Variants in OGG1 observed in about 807,000 individuals in gnomAD.
OGG1 encodes N-glycosylase/DNA lyase.
A neutral mutation model predicts 42.3 loss-of-function variants in OGG1; 35 were observed. The observed-to-expected ratio is 0.83, with a 90% CI of 0.63 to 1.10. The LOEUF (loss-of-function observed/expected upper bound fraction) is 1.10, where lower values mean the gene tolerates loss of function less well. Among genes scored for constraint, OGG1 ranks in the 50% least tolerant of loss-of-function variants. The pLI, the probability that OGG1 is intolerant of heterozygous loss-of-function variation, is 0.00. For synonymous variants in OGG1, 189 were observed against 179.0 expected (o/e 1.06, Z -0.44); for missense variants, 484 against 446.7 (o/e 1.08, Z -0.75).
intron 7 of OGG1, chr3:9,763,158 G>T: frequency 6.2e-7 from 1 of 1,614,080 alleles, no homozygotes; most frequent in East Asian, 2.2e-5. Context: ...ATGAGGTAGA[G>T]GTGGCCCCCA....
downstream of OGG1, chr3:9,759,851 CAA>C (rs752016705): frequency 6.2e-7 from 1 of 1,600,948 alleles, no homozygotes; most frequent in East Asian, 2.2e-5. Flanking sequence ...GGCATCAAGA[CAA>C]AGAGGCCAAA....
downstream of OGG1, chr3:9,757,524 C>G: frequency 6.2e-7 from 1 of 1,609,494 alleles, no homozygotes. The surrounding 1 kb of genome is among the most constrained non-coding windows in gnomAD (Gnocchi z 4.5). Flanking sequence ...GGATCATGAC[C>G]CGAGGTCCAG....
In OGG1 at chr3:9,750,046, G is replaced by C. The variant is rs2077222021; in HGVS notation, c.-241G>C. On this transcript the variant is annotated 5_prime_UTR_variant, in exon 1 of 7. Transcript: ENST00000344629. ...CGGGAGAAGATAAGTCGCAAGGAGGGGGCGGGACCTACACCTCAGGAAAGC... is the reference window on the plus strand; with the variant it reads ...CGGGAGAAGATAAGTCGCAAGGAGGCGGCGGGACCTACACCTCAGGAAAGC... The C allele has an allele frequency of 1.6e-5, 9 of 574,624 alleles. No individual in the cohort carries two copies. In the East Asian group the frequency reaches 2.3e-4, roughly 15 times the overall value. 35.6% of individuals were successfully genotyped at this position (574,624 alleles called of 1,614,324 possible).
At chr3:9,770,074 A>T (rs2078269707), downstream of OGG1, 1 of 152,518 alleles carries the variant, frequency 6.6e-6, no homozygotes, top group Admixed American at 6.5e-5. Flanking sequence ...GGGAAGGGGC[A>T]CGGGTGGAGG....
At chr3:9,767,625 C>G, downstream of OGG1, 1 of 1,612,912 alleles carries the variant, frequency 6.2e-7, no homozygotes, top group Non-Finnish European at 8.5e-7. Flanking sequence ...CTGGACTCAG[C>G]CTCCCTCAGC....
At chr3:9,759,905 G>GGCCCTCCCACCCCGTGT, downstream of OGG1, 1 of 1,253,180 alleles carries the variant, frequency 8.0e-7, no homozygotes, top group Non-Finnish European at 1.1e-6. Context: ...CTCTTCTTCA[G>GGCCCTCCCACCCCGTGT]GCCCTCCCAC....
intron 2 of OGG1, among the ~76,000 whole-genome samples, chr3:9,773,265 A>C (rs1204845401): frequency 6.6e-6 from 1 of 150,522 alleles, no homozygotes; most frequent in East Asian, 2.0e-4. Flanking sequence ...TGCGGTGGCT[A>C]ACGCCTATAA....
At chr3:9,766,222 GA>G in exon 8 of OGG1, 1 of 728,086 alleles carries the variant, frequency 1.4e-6, no homozygotes, top group Non-Finnish European at 2.5e-6. Context: ...GCCTGCTTGG[GA>G]ATGAAATTAA....
At chr3:9,785,522 C>T (rs1281519418) in intron 3 of OGG1, 20 of 804,652 alleles carry the variant, frequency 2.5e-5, no homozygotes, top group Non-Finnish European at 3.6e-5. Context: ...CCAGAAATAT[C>T]CTTTTATCTT....
At chr3:9,760,893 C>G, downstream of OGG1, 5 of 1,374,412 alleles carry the variant, frequency 3.6e-6, no homozygotes. Flanking sequence ...ATAAACTCTA[C>G]CAGCCCTGCC....
At chr3:9,787,064 G>T in intron 3 of OGG1, 1 of 1,614,200 alleles carries the variant, frequency 6.2e-7, no homozygotes, top group Non-Finnish European at 8.5e-7. Flanking sequence ...TCCATCTTCC[G>T]GCTGTTCATG....
intron 2 of OGG1, chr3:9,780,531 C>T (rs752757056): frequency 6.9e-5 from 111 of 1,604,096 alleles, no homozygotes; most frequent in Non-Finnish European, 9.3e-5. Context: ...CCTGCCGGCT[C>T]ACCTCCTCCT....
intron 3 of OGG1, among the ~76,000 whole-genome samples, chr3:9,754,351 C>T (rs566569154): frequency 6.6e-6 from 1 of 152,268 alleles, no homozygotes; most frequent in South Asian, 2.1e-4. Flanking sequence ...ATCATAGAAG[C>T]TGTTGCTATA....
downstream of OGG1, chr3:9,766,848 CAG>C: frequency 6.0e-6 from 1 of 166,380 alleles, no homozygotes; most frequent in Non-Finnish European, 1.3e-5. Flanking sequence ...AAGCTGTGGC[CAG>C]AGTGACTATC....
intron 2 of OGG1, among the ~76,000 whole-genome samples, chr3:9,774,277 C>T (rs1402975353): frequency 4.0e-5 from 6 of 151,834 alleles, no homozygotes; most frequent in African/African-American, 9.7e-5. Context: ...GGTGTGGTGG[C>T]GCATGCCTGT....
chr3:9,778,510 G>A (rs1392597622), intron 2 of OGG1, among the ~76,000 whole-genome samples: 1 of 152,228 alleles, frequency 6.6e-6, no homozygotes, highest in Non-Finnish European at 1.5e-5. Context: ...GGAGGATCCG[G>A]TGGCTTCAAG....
chr3:9,753,843 G>A (rs1285999346), intron 3 of OGG1, among the ~76,000 whole-genome samples: 2 of 152,234 alleles, frequency 1.3e-5, no homozygotes, highest in Admixed American at 1.3e-4. Flanking sequence ...AATGGGTTAA[G>A]AGCACGGCGT....
chr3:9,759,223 G>A (rs750442828), downstream of OGG1: 24 of 1,613,962 alleles, frequency 1.5e-5, no homozygotes, highest in South Asian at 7.7e-5. Flanking sequence ...GACCTTTCTC[G>A]GACCCCATAG....
At chr3:9,757,679 G>A (rs558467198), downstream of OGG1, 13 of 1,613,900 alleles carry the variant, frequency 8.1e-6, no homozygotes, top group African/African-American at 4.0e-5. This position sits in a 1 kb window ranked among gnomAD's most constrained non-coding sequence, Gnocchi z 4.5. Flanking sequence ...CTCCAGCCCG[G>A]GTGCACCTTT....
Sources: allele counts gnomAD v4.1 joint callset (sites outside exome capture counted in the v4.1 genomes callset), GRCh38; gene constraint gnomAD v4.1.1; non-coding constraint Gnocchi (gnomAD v3.1); transcripts MANE v1.5; gene names NCBI Gene and HGNC (gene_info 2026-07-23, HGNC 2026-07-21).